Variants in AGBL1 observed in about 807,000 individuals in gnomAD.
AGBL1 encodes cytosolic carboxypeptidase 4.
In AGBL1, 130 loss-of-function variants were observed where a neutral mutation model predicts 118.9. The ratio of observed to expected loss-of-function variants is 1.09; its 90% confidence interval spans 0.95 to 1.26. The LOEUF (loss-of-function observed/expected upper bound fraction) is 1.26. Ranked by LOEUF, AGBL1 falls within the 50% of genes most tolerant of loss-of-function variation. AGBL1 has a pLI of 0.00. For missense variants in AGBL1, 1,584 were observed against 1,298.1 expected (o/e 1.22, Z -3.38); for synonymous variants, 555 against 478.9 (o/e 1.16, Z -2.08).
intron 17 of AGBL1, among the ~76,000 whole-genome samples, chr15:86,364,958 C>T (rs71399824): frequency 0.014 from 1,043 of 76,042 alleles, 42 homozygotes; most frequent in African/African-American, 0.036. Flanking sequence ...ATATGTCACA[C>T]ATATATATAT....
chr15:86,644,681 A>G (rs1158976269), intron 21 of AGBL1, among the ~76,000 whole-genome samples: 1 of 151,990 alleles, frequency 6.6e-6, no homozygotes, highest in African/African-American at 2.4e-5. Context: ...AGAAAAGCAA[A>G]CAAACAAAAA....
intron 22 of AGBL1, among the ~76,000 whole-genome samples, chr15:86,747,600 G>T (rs567415540): frequency 2.0e-5 from 3 of 152,164 alleles, no homozygotes; most frequent in South Asian, 2.1e-4. Flanking sequence ...TTTACATTGG[G>T]TGTATCTCCT....
intron 24 of AGBL1, among the ~76,000 whole-genome samples, chr15:86,996,846 T>G (rs552569583): frequency 6.6e-6 from 1 of 152,182 alleles, no homozygotes; most frequent in African/African-American, 2.4e-5. Flanking sequence ...GAGAAAACTT[T>G]GGAGTTCATC....
At chr15:86,657,498 CAT>C (rs781754225) in intron 21 of AGBL1, among the ~76,000 whole-genome samples, 2 of 152,152 alleles carry the variant, frequency 1.3e-5, no homozygotes, top group Non-Finnish European at 2.9e-5. Flanking sequence ...TGTATGTACA[CAT>C]ATTGACTGGA....
intron 18 of AGBL1, among the ~76,000 whole-genome samples, chr15:86,477,043 C>G (rs200479040): frequency 1.3e-5 from 2 of 151,922 alleles, no homozygotes; most frequent in Admixed American, 1.3e-4. Context: ...TGAGAACAAA[C>G]ACACAACATA....
intron 5 of AGBL1, among the ~76,000 whole-genome samples, chr15:86,207,564 G>T (rs1003839608): frequency 2.0e-5 from 3 of 151,932 alleles, no homozygotes; most frequent in Admixed American, 2.0e-4. Flanking sequence ...ATTTTATTCT[G>T]TTTGTAACAA....
chr15:86,405,948 G>C (rs2081522679), intron 18 of AGBL1, among the ~76,000 whole-genome samples: 1 of 152,176 alleles, frequency 6.6e-6, no homozygotes. Flanking sequence ...CCATGAGGCT[G>C]GTGTTTGGAA....
intron 21 of AGBL1, among the ~76,000 whole-genome samples, chr15:86,624,779 T>A (rs561177058): frequency 6.6e-6 from 1 of 152,276 alleles, no homozygotes; most frequent in Admixed American, 6.5e-5. Context: ...CAGGGACTCC[T>A]CTACAAACTC....
At chr15:86,269,809 C>A in intron 13 of AGBL1, 110 bp from the exon 14 acceptor site, 1 of 1,248,216 alleles carries the variant, frequency 8.0e-7, no homozygotes, top group Non-Finnish European at 1.1e-6. Context: ...TGGCTGAGAT[C>A]CTGGGTCTTA....
At position 86,860,390 on chromosome 15, in the gene AGBL1, C is replaced by A. The variant is rs377139096; in HGVS notation, c.3159-46697C>A. Among the ~76,000 whole-genome samples the A allele has an allele frequency of 4.0e-5, 6 of 151,488 alleles. No homozygotes were observed. In the East Asian group the frequency reaches 9.7e-4, roughly 24 times the overall value. ...CTTTTGTGTCAGAAATTTGCTTTTT[C>A]TCTTTTTCTCCTGGAATATATATAT... On this transcript the variant is annotated intron_variant, in intron 22 of 22. Transcript: ENST00000614907.
intron 18 of AGBL1, among the ~76,000 whole-genome samples, chr15:86,487,661 A>AT: frequency 6.6e-6 from 1 of 152,092 alleles, no homozygotes; most frequent in Non-Finnish European, 1.5e-5. Context: ...CAGCAAGCTT[A>AT]ATGCATTTAG....
chr15:86,147,846 C>T (rs553678105), intron 3 of AGBL1, among the ~76,000 whole-genome samples: 32 of 152,308 alleles, frequency 2.1e-4, no homozygotes, highest in African/African-American at 7.7e-4. Flanking sequence ...TGGGAGACAC[C>T]TCCCAGTAGG....
intron 24 of AGBL1, among the ~76,000 whole-genome samples, chr15:87,020,896 A>G (rs929551892): frequency 6.6e-6 from 1 of 152,070 alleles, no homozygotes; most frequent in Non-Finnish European, 1.5e-5. Context: ...ATAAGACTCA[A>G]TATTGTGAAA....
chr15:86,720,553 A>C (rs1041413562), intron 22 of AGBL1, among the ~76,000 whole-genome samples: 2 of 152,204 alleles, frequency 1.3e-5, no homozygotes, highest in Admixed American at 1.3e-4. Context: ...TATAGATGGG[A>C]AATGTGATCA....
At chr15:86,705,057 C>G (rs2086423752) in intron 22 of AGBL1, among the ~76,000 whole-genome samples, 1 of 152,146 alleles carries the variant, frequency 6.6e-6, no homozygotes, top group Non-Finnish European at 1.5e-5. Context: ...ACTGCATGTC[C>G]TCACTCATAA....
intron 22 of AGBL1, among the ~76,000 whole-genome samples, chr15:86,866,547 C>G (rs1226988281): frequency 6.6e-6 from 1 of 152,148 alleles, no homozygotes; most frequent in Non-Finnish European, 1.5e-5. Flanking sequence ...GCTGGCAAAT[C>G]AACAATAAAT....
At chr15:86,203,238 T>C (rs2077936209) in intron 5 of AGBL1, among the ~76,000 whole-genome samples, 1 of 152,270 alleles carries the variant, frequency 6.6e-6, no homozygotes, top group South Asian at 2.1e-4. Flanking sequence ...AGATTCGTTT[T>C]TGAAAATCTA....
intron 23 of AGBL1, among the ~76,000 whole-genome samples, chr15:86,965,586 G>A (rs1288670917): frequency 6.6e-6 from 1 of 151,844 alleles, no homozygotes; most frequent in Non-Finnish European, 1.5e-5. Flanking sequence ...TAGATTGCCT[G>A]TTCACTCTGA....
chr15:86,821,314 C>T (rs1332203358), intron 22 of AGBL1, among the ~76,000 whole-genome samples: 1 of 152,018 alleles, frequency 6.6e-6, no homozygotes, highest in Non-Finnish European at 1.5e-5. Flanking sequence ...TATTCCAGAA[C>T]TTAAAGTATA....
Sources: allele counts gnomAD v4.1 joint callset (sites outside exome capture counted in the v4.1 genomes callset), GRCh38; gene constraint gnomAD v4.1.1; transcripts MANE v1.5; gene names NCBI Gene and HGNC (gene_info 2026-07-23, HGNC 2026-07-21).